The following SPPL3 variants were observed in gnomAD, a reference collection of about 807,000 sequenced individuals.
The protein encoded by SPPL3 is signal peptide peptidase-like 3.
Under a neutral mutation model 42.4 loss-of-function variants are expected in SPPL3, and 5 were observed. The observed-to-expected ratio is 0.12, with a 90% CI of 0.06 to 0.25. The LOEUF (loss-of-function observed/expected upper bound fraction) is 0.25. Ranked by LOEUF, SPPL3 falls within the 10% of genes least tolerant of loss-of-function variation. The probability of loss-of-function intolerance (pLI) is 1.00; values close to 1 mark genes in which losing one functional copy is unlikely to be tolerated. For synonymous variants in SPPL3, 195 were observed against 181.8 expected (o/e 1.07, Z -0.58); for missense variants, 235 against 489.0 (o/e 0.48, Z 4.90).
In SPPL3 at chr12:120,890,226, A is replaced by C. The variant is rs191485515; in HGVS notation, c.23+13619T>G. Among the ~76,000 whole-genome samples the C allele has an allele frequency of 2.7e-3, 411 of 151,060 alleles. 1 individual carries two copies. Among genetic ancestry groups the C allele is most frequent in the Admixed American group, 7.1e-3 (108 of 15,190 alleles). ...ATTGCGCCATAGCACTCCAGCCTGG[A>C]CAACAAAAGCGAAATTCCATCCCAA... On this transcript the variant is annotated intron_variant, in intron 1 of 10. Transcript: ENST00000353487.
At chr12:120,769,738 A>T (rs1869045886) in intron 6 of SPPL3, 1 of 152,234 alleles carries the variant, frequency 6.6e-6, no homozygotes, top group South Asian at 2.1e-4. Context: ...TTTAGTAGAG[A>T]TGGGGTTTCA....
intron 2 of SPPL3, among the ~76,000 whole-genome samples, chr12:120,793,619 T>C (rs1349159176): frequency 6.6e-6 from 1 of 152,254 alleles, no homozygotes; most frequent in East Asian, 1.9e-4. Context: ...AGTGGGAATG[T>C]GAACTGGTGC....
At chr12:120,867,333 TTTC>T (rs1306750160) in intron 1 of SPPL3, among the ~76,000 whole-genome samples, 6 of 152,160 alleles carry the variant, frequency 3.9e-5, no homozygotes, top group African/African-American at 1.4e-4. Context: ...ACTTGGTGAA[TTTC>T]TTTTGACATT....
intron 2 of SPPL3, among the ~76,000 whole-genome samples, chr12:120,801,903 GTTTGGTGTTTTGGTCACTTTGATGTACA>G (rs1160940020): frequency 6.6e-6 from 1 of 152,144 alleles, no homozygotes; most frequent in African/African-American, 2.4e-5. Flanking sequence ...ATAAATTCCA[GTTTGGTGTTTTGGTCACTTTGATGTACA>G]TTTCACATGA....
intron 1 of SPPL3, among the ~76,000 whole-genome samples, chr12:120,824,039 T>G (rs958866118): frequency 3.3e-5 from 5 of 151,920 alleles, no homozygotes; most frequent in Admixed American, 1.3e-4. Flanking sequence ...CCCAGCTAAT[T>G]TTTTCTATTT....
intron 1 of SPPL3, among the ~76,000 whole-genome samples, chr12:120,832,995 G>T (rs966202469): frequency 6.6e-6 from 1 of 152,124 alleles, no homozygotes; most frequent in Non-Finnish European, 1.5e-5. Context: ...GTAATAAGAT[G>T]TGCATAAAAT....
At chr12:120,791,168 T>G (rs1184696636) in intron 3 of SPPL3, among the ~76,000 whole-genome samples, 1 of 152,154 alleles carries the variant, frequency 6.6e-6, no homozygotes, top group Non-Finnish European at 1.5e-5. Flanking sequence ...CTCTTGTACT[T>G]TTGCATCTTT....
chr12:120,889,857 C>T (rs1422112064), intron 1 of SPPL3, among the ~76,000 whole-genome samples: 1 of 152,174 alleles, frequency 6.6e-6, no homozygotes, highest in Non-Finnish European at 1.5e-5. Flanking sequence ...CATAAGACAA[C>T]CATAAACGAT....
intron 6 of SPPL3, among the ~76,000 whole-genome samples, chr12:120,780,966 A>G (rs1869514265): frequency 6.6e-6 from 1 of 152,184 alleles, no homozygotes; most frequent in South Asian, 2.1e-4. Context: ...TTTCAGAAAC[A>G]GCCTCCAAGA....
chr12:120,868,138 C>T (rs1179311218), intron 1 of SPPL3, among the ~76,000 whole-genome samples: 2 of 152,134 alleles, frequency 1.3e-5, no homozygotes, highest in African/African-American at 4.8e-5. Flanking sequence ...TACCTATAAT[C>T]CCAGCCATTC....
At chr12:120,785,896 G>A in intron 3 of SPPL3, among the ~76,000 whole-genome samples, 1 of 135,318 alleles carries the variant, frequency 7.4e-6, no homozygotes, top group Admixed American at 7.7e-5. Context: ...AGGATCACTT[G>A]AGCCCAGGAG....
intron 1 of SPPL3, among the ~76,000 whole-genome samples, chr12:120,817,651 ACT>A (rs1456872895): frequency 2.0e-5 from 3 of 151,728 alleles, no homozygotes; most frequent in African/African-American, 7.3e-5. Flanking sequence ...TAATTTACAA[ACT>A]CTTCATTTTC....
At chr12:120,872,224 A>G (rs647881) in intron 1 of SPPL3, among the ~76,000 whole-genome samples, 73,511 of 152,086 alleles carry the variant, frequency 0.48, 17,972 homozygotes, top group East Asian at 0.56. Flanking sequence ...AGGGCTGACT[A>G]TATTAACAAA....
chr12:120,819,367 G>A (rs963434457), intron 1 of SPPL3, among the ~76,000 whole-genome samples: 2 of 152,146 alleles, frequency 1.3e-5, no homozygotes, highest in Admixed American at 1.3e-4. Flanking sequence ...TCTTCCAGAT[G>A]TTGTCTCTTT....
chr12:120,798,343 C>T (rs543791839), intron 2 of SPPL3, among the ~76,000 whole-genome samples: 6 of 152,334 alleles, frequency 3.9e-5, no homozygotes, highest in Admixed American at 3.9e-4. Context: ...ACTTACTGCT[C>T]ATACCTCAGT....
chr12:120,838,992 G>C (rs1163906782), intron 1 of SPPL3, among the ~76,000 whole-genome samples: 1 of 152,076 alleles, frequency 6.6e-6, no homozygotes, highest in Non-Finnish European at 1.5e-5. Flanking sequence ...ATTTGACCCA[G>C]CCATCCCATT....
At chr12:120,888,958 T>G (rs1873548576) in intron 1 of SPPL3, among the ~76,000 whole-genome samples, 1 of 151,852 alleles carries the variant, frequency 6.6e-6, no homozygotes, top group African/African-American at 2.4e-5. Context: ...GGATTACAGG[T>G]TCATGCCACC....
At chr12:120,804,834 G>C (rs1022580311) in intron 2 of SPPL3, among the ~76,000 whole-genome samples, 2 of 152,014 alleles carry the variant, frequency 1.3e-5, no homozygotes, top group Admixed American at 1.3e-4. Flanking sequence ...AGCCAAAAAA[G>C]GGAAACAACC....
At chr12:120,881,599 G>A (rs1773245431) in intron 1 of SPPL3, among the ~76,000 whole-genome samples, 1 of 149,024 alleles carries the variant, frequency 6.7e-6, no homozygotes, top group Admixed American at 6.8e-5. Flanking sequence ...ACAGATATTT[G>A]TACACCAATA....
Sources: allele counts gnomAD v4.1 joint callset (sites outside exome capture counted in the v4.1 genomes callset), GRCh38; gene constraint gnomAD v4.1.1; transcripts MANE v1.5; gene names NCBI Gene and HGNC (gene_info 2026-07-23, HGNC 2026-07-21).